Variants in SMIM23 observed in about 807,000 individuals in gnomAD.
SMIM23 encodes CTB-78H18.1.
SMIM23 carries 10 observed loss-of-function variants against 12.8 expected under a neutral mutation model. The ratio of observed to expected loss-of-function variants is 0.78; its 90% confidence interval spans 0.48 to 1.32. SMIM23 has a LOEUF of 1.32. Among genes scored for constraint, SMIM23 ranks in the 40% most tolerant of loss-of-function variants. SMIM23 has a pLI of 0.00. For missense variants in SMIM23, 184 were observed against 198.2 expected, an observed-to-expected ratio of 0.93 and a Z score of 0.43; for synonymous variants, 78 against 80.1, an observed-to-expected ratio of 0.97 and a Z score of 0.14.
intron 1 of SMIM23, among the ~76,000 whole-genome samples, chr5:171,787,533 G>A (rs898728494): frequency 2.6e-5 from 4 of 152,308 alleles, no homozygotes; most frequent in Non-Finnish European, 5.9e-5. Flanking sequence ...ATTGATAGAG[G>A]ACTGGTTAGA....
At chr5:171,782,068 G>A (rs1381057436), upstream of SMIM23, among the ~76,000 whole-genome samples, 6 of 152,214 alleles carry the variant, frequency 3.9e-5, no homozygotes, top group Non-Finnish European at 8.8e-5. Context: ...CTAGGTTGTG[G>A]AAGCTTTGTT....
chr5:171,782,309 C>T (rs1039110243), upstream of SMIM23: 3 of 152,214 alleles, frequency 2.0e-5, no homozygotes, highest in African/African-American at 7.2e-5. Flanking sequence ...AGTGAAGCCA[C>T]AAAAGACAAG....
the SMIM23 span, among the ~76,000 whole-genome samples, chr5:171,775,308 C>G: frequency 6.6e-6 from 1 of 152,220 alleles, no homozygotes; most frequent in South Asian, 2.1e-4. Flanking sequence ...CCTCACACTC[C>G]AGCACCAAGA....
At chr5:171,776,906 G>A in the SMIM23 span, among the ~76,000 whole-genome samples, 46 of 152,116 alleles carry the variant, frequency 3.0e-4, no homozygotes, top group East Asian at 1.9e-4. Context: ...AGTCATGGGC[G>A]GAAGGGCCCA....
chr5:171,773,731 G>A, the SMIM23 span: 1 of 454,736 alleles, frequency 2.2e-6, no homozygotes, highest in Non-Finnish European at 4.4e-6. Context: ...AAGCTAGGCT[G>A]CCCAGCTTCA....
upstream of SMIM23, among the ~76,000 whole-genome samples, chr5:171,784,492 G>A (rs561504653): frequency 6.1e-4 from 92 of 151,464 alleles, no homozygotes; most frequent in African/African-American, 2.1e-3. Flanking sequence ...GCGACAGAGT[G>A]AGACTCTGTC....
At position 171,791,014 on chromosome 5, in the gene SMIM23, G is replaced by A. The variant is rs1308165402; in HGVS notation, c.445G>A (p.Ala149Thr). 1 of 1,535,072 alleles carries A rather than the reference G, an allele frequency of 6.5e-7. No homozygotes were observed. The highest frequency in any genetic ancestry group is 8.7e-7 in the Non-Finnish European group (1 of 1,146,848). The change falls in exon 4 of 4, where the codon GCC becomes ACC. Residue 149 changes from alanine to threonine, a missense_variant. Physicochemically the swap from Ala to Thr is moderately conservative, Grantham distance 58. Coordinates refer to ENST00000523047, the MANE Select transcript of SMIM23 (RefSeq NM_001289970.2). Reference sequence around the variant, plus strand: ...ATATAAAAGTCACTTGTGGGAGTGGGCCTGGGCCCTGGGGAGAGAGCACAA... The same window carrying A: ...ATATAAAAGTCACTTGTGGGAGTGGACCTGGGCCCTGGGGAGAGAGCACAA... ...STYKSHLWEW[A>T]WALGREHKGG...
upstream of SMIM23, among the ~76,000 whole-genome samples, chr5:171,785,369 C>T (rs953540115): frequency 1.3e-5 from 2 of 151,516 alleles, no homozygotes; most frequent in African/African-American, 2.4e-5. Context: ...CAATTATCTC[C>T]ATACATTTTT....
At chr5:171,774,636 G>C in the SMIM23 span, 25 of 431,596 alleles carry the variant, frequency 5.8e-5, no homozygotes, top group African/African-American at 2.2e-4. Context: ...TCCTTCACAG[G>C]CTCCTTTGAA....
upstream of SMIM23, among the ~76,000 whole-genome samples, chr5:171,781,955 G>A (rs986768858): frequency 1.1e-4 from 16 of 152,308 alleles, no homozygotes; most frequent in South Asian, 3.1e-3. Flanking sequence ...GGCCCAATCA[G>A]CACTCTGTAA....
the SMIM23 span, chr5:171,774,072 G>GA: frequency 2.0e-4 from 70 of 355,090 alleles, no homozygotes; most frequent in Middle Eastern, 2.7e-3. Flanking sequence ...CTGACAAAGA[G>GA]AAAAAAAATG....
chr5:171,789,922 G>A (rs756087456), intron 1 of SMIM23, among the ~76,000 whole-genome samples: 1 of 152,190 alleles, frequency 6.6e-6, no homozygotes, highest in African/African-American at 2.4e-5. Flanking sequence ...CATTTTAAAT[G>A]TGTGCGTTTT....
upstream of SMIM23, among the ~76,000 whole-genome samples, chr5:171,782,969 T>C (rs913023093): frequency 6.6e-6 from 1 of 152,194 alleles, no homozygotes; most frequent in African/African-American, 2.4e-5. Flanking sequence ...TGTGGAACTT[T>C]GGTAAAGTTA....
upstream of SMIM23, among the ~76,000 whole-genome samples, chr5:171,778,447 TCACAC>T (rs1440426308): frequency 2.1e-5 from 3 of 141,548 alleles, no homozygotes; most frequent in East Asian, 6.3e-4. Flanking sequence ...TGGGAAAATT[TCACAC>T]ACACACACAC....
At chr5:171,774,267 T>G in the SMIM23 span, 1 of 382,974 alleles carries the variant, frequency 2.6e-6, no homozygotes, top group Non-Finnish European at 5.2e-6. Flanking sequence ...CCCATCCCAT[T>G]CAGAGATCCC....
chr5:171,774,971 C>T, the SMIM23 span, among the ~76,000 whole-genome samples: 2 of 152,132 alleles, frequency 1.3e-5, no homozygotes, highest in Non-Finnish European at 2.9e-5. Context: ...AAAGGGATGC[C>T]GGGCCTCTGG....
chr5:171,784,008 G>A (rs1388595288), upstream of SMIM23, among the ~76,000 whole-genome samples: 3 of 152,162 alleles, frequency 2.0e-5, no homozygotes, highest in Admixed American at 6.5e-5. Flanking sequence ...TTGGGAGCCC[G>A]AGGTGGGAGG....
chr5:171,776,118 G>A, the SMIM23 span, among the ~76,000 whole-genome samples: 51,281 of 152,090 alleles, frequency 0.34, 8,892 homozygotes, highest in African/African-American at 0.41. Context: ...TGATCCACCC[G>A]CCTTGGCCTC....
intron 1 of SMIM23, among the ~76,000 whole-genome samples, chr5:171,789,126 C>T (rs115921074): frequency 0.019 from 2,834 of 152,346 alleles, 81 homozygotes; most frequent in African/African-American, 0.064. Flanking sequence ...TGCGCCACCG[C>T]GCCTGGCCTA....
Sources: gnomAD v4.1 joint callset for allele counts (sites outside exome capture counted in the v4.1 genomes callset) on GRCh38, gnomAD v4.1.1 for gene constraint, MANE v1.5 for transcripts, NCBI Gene and HGNC (gene_info 2026-07-23, HGNC 2026-07-21) for gene names.